Variants in FCRL1 observed in about 807,000 individuals in gnomAD.
The protein encoded by FCRL1 is Fc receptor-like protein 1.
A neutral mutation model predicts 49.2 loss-of-function variants in FCRL1; 34 were observed. That is an observed-to-expected ratio of 0.69 (90% CI 0.53 to 0.92). The LOEUF (loss-of-function observed/expected upper bound fraction) is 0.92. FCRL1 is among the 40% of genes least tolerant of loss of function. The pLI, the probability that FCRL1 is intolerant of heterozygous loss-of-function variation, is 0.00. For missense variants in FCRL1, 524 were observed against 524.1 expected, an observed-to-expected ratio of 1.00 and a Z score of 0.00; for synonymous variants, 218 against 201.6, an observed-to-expected ratio of 1.08 and a Z score of -0.69.
chr1:157,797,341 G>T (rs1651676154), intron 9 of FCRL1, among the ~76,000 whole-genome samples: 1 of 152,130 alleles, frequency 6.6e-6, no homozygotes, highest in African/African-American at 2.4e-5. Flanking sequence ...AGGGTAAGTA[G>T]ACCCTCTATG....
chr1:157,797,661 C>G, intron 9 of FCRL1: 1 of 1,330,086 alleles, frequency 7.5e-7, no homozygotes, highest in South Asian at 1.3e-5. Flanking sequence ...GACAGCCCAT[C>G]CCCAGGGGAA....
chr1:157,807,169 A>C (rs1157874996), intron 1 of FCRL1, 47 bp from the exon 2 acceptor site: 1 of 1,600,610 alleles, frequency 6.2e-7, no homozygotes, highest in South Asian at 1.1e-5. Context: ...CAAATCCCAC[A>C]AATCTCCAAA....
intron 2 of FCRL1, 45 bp downstream of exon 2, chr1:157,807,057 C>T: frequency 6.2e-7 from 1 of 1,612,278 alleles, no homozygotes; most frequent in East Asian, 2.2e-5. Context: ...ACCTAAGTAA[C>T]AAAATACCCA....
At chr1:157,817,643 A>C (rs1655223076) in intron 1 of FCRL1, among the ~76,000 whole-genome samples, 1 of 152,174 alleles carries the variant, frequency 6.6e-6, no homozygotes, top group Non-Finnish European at 1.5e-5. Flanking sequence ...GGACCTCAAA[A>C]GCAAAAGCAA....
At position 157,802,003 on chromosome 1, in the gene FCRL1, C is replaced by T. The variant is rs183113364; in HGVS notation, c.798G>A (p.Leu266=). 1 of 1,614,234 alleles carries T rather than the reference C, an allele frequency of 6.2e-7. No individual in the cohort carries two copies. Among genetic ancestry groups the T allele is most frequent in the African/African-American group, 1.3e-5 (1 of 75,056 alleles). The change falls in exon 5 of 11, where the codon CTG becomes CTA. Residue 266 remains leucine (L), a synonymous_variant. Coordinates refer to ENST00000368176, the MANE Select transcript of FCRL1 (RefSeq NM_052938.5). ...SGGGASFNLS[L]TEEHSGNYSC... ...AGTAGTTTCCAGAATGTTCTTCAGT[C>T]AGGGAAAGGTTGAAGGAGGCTCCTC...
chr1:157,798,049 G>A lies in FCRL1; in HGVS notation c.1115-110C>T, dbSNP rs1651823888. On this transcript the variant is annotated intron_variant, in intron 8 of 10. Transcript: ENST00000368176. Reference sequence around the variant, plus strand: ...ATGAAGACAGATGAGTCATTTGTTTGTAGCAGAGGCTAGGGCACAGCAAAG... The same window carrying A: ...ATGAAGACAGATGAGTCATTTGTTTATAGCAGAGGCTAGGGCACAGCAAAG... 2.0e-6 allele frequency: 3 copies of A among 1,500,178 alleles called. No individual in the cohort carries two copies. In the Admixed American group the frequency reaches 5.2e-5, roughly 26 times the overall value. 92.9% of individuals were successfully genotyped at this position (1,500,178 alleles called of 1,614,324 possible).
At position 157,800,894 on chromosome 1, in the gene FCRL1, CG is replaced by C. The variant is rs1329335457; in HGVS notation, c.1003+566del. 3.3e-5 allele frequency among the ~76,000 whole-genome samples: 5 copies of C among 151,124 alleles called. No homozygotes were observed. In the East Asian group the frequency reaches 5.9e-4, roughly 18 times the overall value. On this transcript the variant is annotated intron_variant, in intron 6 of 10. Transcript: ENST00000368176. ...GCAGATTATGTTAAATAGTTACATT[CG>C]TTTGTTTGTTTGTTTGAGACAGAGT...
At chr1:157,800,131 A>G (rs1258383263) in intron 6 of FCRL1, 46 bp from the exon 7 acceptor site, 5 of 1,584,048 alleles carry the variant, frequency 3.2e-6, no homozygotes, top group African/African-American at 1.3e-5. Context: ...AAGAACCCTC[A>G]CTGTCAGCAC....
intron 1 of FCRL1, among the ~76,000 whole-genome samples, chr1:157,814,113 C>A (rs918593529): frequency 7.2e-5 from 11 of 152,016 alleles, no homozygotes; most frequent in Non-Finnish European, 2.9e-5. Context: ...AGTGAAAGGA[C>A]AATAATTACT....
At chr1:157,807,071 A>T in intron 2 of FCRL1, 31 bp downstream of exon 2, 1 of 1,613,414 alleles carries the variant, frequency 6.2e-7, no homozygotes, top group South Asian at 1.1e-5. Context: ...ATACCCACAG[A>T]CCTTGAAGAA....
At position 157,820,083 on chromosome 1, in the gene FCRL1, A is replaced by G; in HGVS notation, c.-46T>C. ...TACCTAGAGATGCCTCTCATCAAAA[A>G]AAGAATGCACCTCAGAGTCGAGCAG... On this transcript the variant is annotated 5_prime_UTR_variant, in exon 1 of 11. Coordinates refer to ENST00000368176, the MANE Select transcript of FCRL1 (RefSeq NM_052938.5). The G allele has an allele frequency of 6.2e-7, 1 of 1,610,718 alleles. No homozygotes were observed. Among genetic ancestry groups the G allele is most frequent in the Non-Finnish European group, 8.5e-7 (1 of 1,176,946 alleles).
Position 157,797,118 on chromosome 1 carries a change from T to A in FCRL1, c.1201A>T (p.Thr401Ser), listed in dbSNP as rs371460489. Residue 401 changes from threonine (T) to serine (S), a missense_variant, in exon 10 of 11, where the codon ACA (threonine) becomes TCA (serine). Coordinates refer to ENST00000368176, the MANE Select transcript of FCRL1 (RefSeq NM_052938.5). Reference sequence around the variant, plus strand: ...ACTCTTACCTTGTCCTCCATATGTGTCCCCAGGGTTTCTGCTGTGGAGAAA... The same window carrying A: ...ACTCTTACCTTGTCCTCCATATGTGACCCCAGGGTTTCTGCTGTGGAGAAA... ...QESVAAETLG[T>S]HMEDKVSLDI... The A allele has an allele frequency of 4.3e-6, 7 of 1,613,848 alleles. No individual in the cohort carries two copies. The African/African-American group carries it at 8.0e-5, about 18-fold the overall frequency.
At chr1:157,796,975 G>C (rs748192577) in intron 10 of FCRL1, 126 bp downstream of exon 10, 2 of 831,122 alleles carry the variant, frequency 2.4e-6, no homozygotes, top group Non-Finnish European at 4.0e-6. Flanking sequence ...CCATTGCTTT[G>C]GGATGTAGGG....
intron 1 of FCRL1, among the ~76,000 whole-genome samples, chr1:157,812,111 C>T (rs1206837116): frequency 6.6e-6 from 1 of 152,174 alleles, no homozygotes; most frequent in Admixed American, 6.5e-5. Flanking sequence ...GTGTGAAAAC[C>T]AGCCTGGCAC....
chr1:157,795,744 A>G lies in FCRL1; in HGVS notation c.*355T>C, dbSNP rs1483007006. On this transcript the variant is annotated 3_prime_UTR_variant, in exon 11 of 11. Coordinates refer to ENST00000368176, the MANE Select transcript of FCRL1 (RefSeq NM_052938.5). ...AAGTCCTGCAGAGTCACTAACCTTG[A>G]GTTCATGTGCTCTAAGCTTCACTGT... The G allele has an allele frequency of 1.5e-5, 3 of 194,270 alleles. No individual in the cohort carries two copies. The highest frequency in any genetic ancestry group is 2.2e-5 in the Non-Finnish European group (2 of 92,724). 12.0% of individuals were successfully genotyped at this position (194,270 alleles called of 1,614,324 possible).
In FCRL1 at chr1:157,797,903, G is replaced by A. The variant is rs369514044; in HGVS notation, c.1151C>T (p.Ala384Val). 143 of 1,613,998 alleles carry A rather than the reference G, an allele frequency of 8.9e-5. No individual in the cohort carries two copies. The highest frequency in any genetic ancestry group is 1.1e-4 in the Non-Finnish European group (132 of 1,180,012). ...TTCCTGCTCCGGCTGGTTATAGTAC[G>A]CCAGTGAATAAACCTCATCCCCACT... is the stretch of plus-strand genomic sequence containing the variant. ...VVSGDEVYSL[A>V]YYNQPEQESV... Residue 384 changes from alanine (A) to valine (V), a missense_variant, in exon 9 of 11, where the codon GCG (alanine) becomes GTG (valine). Transcript: ENST00000368176.
At chr1:157,812,974 C>A (rs1654532356) in intron 1 of FCRL1, among the ~76,000 whole-genome samples, 1 of 152,172 alleles carries the variant, frequency 6.6e-6, no homozygotes, top group Non-Finnish European at 1.5e-5. Context: ...CACTGAGGCA[C>A]ACACAAGCAT....
intron 1 of FCRL1, among the ~76,000 whole-genome samples, chr1:157,818,941 G>A (rs1274464120): frequency 3.3e-5 from 5 of 152,098 alleles, no homozygotes; most frequent in Admixed American, 6.5e-5. Context: ...AAGTAAGAGG[G>A]TCATGGGCCT....
chr1:157,819,324 T>C (rs1050342418), intron 1 of FCRL1, among the ~76,000 whole-genome samples: 1 of 151,908 alleles, frequency 6.6e-6, no homozygotes, highest in Non-Finnish European at 1.5e-5. Context: ...CAGCTGTTTA[T>C]GTCCAGGAGT....
Sources: gnomAD v4.1 joint callset for allele counts (sites outside exome capture counted in the v4.1 genomes callset) on GRCh38, gnomAD v4.1.1 for gene constraint, MANE v1.5 for transcripts, NCBI Gene and HGNC (gene_info 2026-07-23, HGNC 2026-07-21) for gene names.